DPYD: variants seen among roughly 807,000 people sequenced by gnomAD.
DPYD encodes the protein dihydropyrimidine dehydrogenase [NADP(+)].
DPYD carries 109 observed loss-of-function variants against 116.2 expected under a neutral mutation model. That is an observed-to-expected ratio of 0.94 (90% CI 0.80 to 1.10). DPYD has a LOEUF of 1.10. Ranked by LOEUF, DPYD falls within the 50% of genes least tolerant of loss-of-function variation. The pLI, the probability that DPYD is intolerant of heterozygous loss-of-function variation, is 0.00. For synonymous variants in DPYD, 440 were observed against 432.0 expected (o/e 1.02, Z -0.23); for missense variants, 1,302 against 1,254.5 (o/e 1.04, Z -0.57).
rs1057516696 is a variant in DPYD, at chr1:97,595,167, C to G, written c.851-1G>C. 1 of 1,612,470 alleles carries G rather than the reference C, an allele frequency of 6.2e-7. No homozygotes were observed. Reference sequence around the variant, plus strand: ...GCATCTTTATTGGGTTCTGGCAAACCTAAGTAATCAAATTTATAAAATATC... The same window carrying G: ...GCATCTTTATTGGGTTCTGGCAAACGTAAGTAATCAAATTTATAAAATATC... On this transcript the variant is annotated splice_acceptor_variant, in intron 8 of 22. Transcript: ENST00000370192. LOFTEE classifies it high-confidence loss of function.
intron 21 of DPYD, among the ~76,000 whole-genome samples, chr1:97,086,750 TAAA>T (rs752140111): frequency 6.5e-3 from 7 of 1,076 alleles, no homozygotes; most frequent in Non-Finnish European, 0.03. Context: ...TGAACCATTG[TAAA>T]ATAAAAAAAA....
intron 1 of DPYD, among the ~76,000 whole-genome samples, chr1:97,895,459 G>C (rs1180429966): frequency 6.6e-6 from 1 of 151,786 alleles, no homozygotes; most frequent in East Asian, 1.9e-4. Context: ...ATGATTTTCA[G>C]GTTCACAAAA....
chr1:97,647,637 G>A (rs1658345059), intron 8 of DPYD, among the ~76,000 whole-genome samples: 1 of 151,774 alleles, frequency 6.6e-6, no homozygotes, highest in Non-Finnish European at 1.5e-5. Context: ...TAATTTCTCT[G>A]AATGAGCTAA....
At chr1:97,250,075 G>A (rs530623278) in intron 18 of DPYD, among the ~76,000 whole-genome samples, 13 of 152,206 alleles carry the variant, frequency 8.5e-5, no homozygotes, top group Non-Finnish European at 1.9e-4. Context: ...TTGGAGAACA[G>A]TCTGGCCAAC....
chr1:97,078,050 G>A lies in DPYD; in HGVS notation c.*926C>T, dbSNP rs1041563208. On this transcript the variant is annotated 3_prime_UTR_variant, in exon 23 of 23. Transcript: ENST00000370192. ...TTAAACATAAACACTAAAACAGAGA[G>A]TAGTCAAACTGATTTGGCACACTTA... The A allele has an allele frequency of 6.6e-6, 1 of 152,052 alleles. No individual in the cohort carries two copies. Among genetic ancestry groups the A allele is most frequent in the Non-Finnish European group, 1.5e-5 (1 of 67,988 alleles). 9.4% of individuals were successfully genotyped at this position (152,052 alleles called of 1,614,324 possible). A position where few individuals can be genotyped will look rare whatever the true frequency, so the allele number is the denominator to read the frequency against.
At chr1:97,632,379 T>A (rs755732384) in intron 8 of DPYD, among the ~76,000 whole-genome samples, 4 of 152,146 alleles carry the variant, frequency 2.6e-5, no homozygotes, top group Non-Finnish European at 5.9e-5. Flanking sequence ...AGTATTCTAC[T>A]GCTTAAGTAA....
intron 21 of DPYD, among the ~76,000 whole-genome samples, chr1:97,088,605 C>T (rs1649684870): frequency 6.6e-6 from 1 of 152,056 alleles, no homozygotes; most frequent in Admixed American, 6.6e-5. Flanking sequence ...TTTCATTTCA[C>T]TCTCCTGCAG....
At chr1:97,384,621 G>A (rs1057442936) in intron 14 of DPYD, among the ~76,000 whole-genome samples, 1 of 152,048 alleles carries the variant, frequency 6.6e-6, no homozygotes. Context: ...AACTGCTGGC[G>A]ATTATATGAG....
intron 18 of DPYD, among the ~76,000 whole-genome samples, chr1:97,287,718 T>G (rs1163790017): frequency 6.6e-6 from 1 of 152,102 alleles, no homozygotes; most frequent in East Asian, 1.9e-4. Context: ...TCTGTGGGTG[T>G]AGGACCCTCC....
chr1:97,487,857 A>C (rs1207601738), intron 13 of DPYD, among the ~76,000 whole-genome samples: 2 of 152,230 alleles, frequency 1.3e-5, no homozygotes, highest in African/African-American at 4.8e-5. Flanking sequence ...TCTGAAAAAC[A>C]GTTTGGCACT....
intron 21 of DPYD, among the ~76,000 whole-genome samples, chr1:97,097,905 A>G (rs1433693956): frequency 6.6e-6 from 1 of 152,148 alleles, no homozygotes; most frequent in East Asian, 1.9e-4. Context: ...ATTTCTTACA[A>G]CTACATGTGA....
At chr1:97,395,242 T>C (rs1263449152) in intron 14 of DPYD, among the ~76,000 whole-genome samples, 2 of 151,428 alleles carry the variant, frequency 1.3e-5, no homozygotes, top group African/African-American at 4.8e-5. Context: ...TAAGGACACA[T>C]AGATGGTAAA....
intron 19 of DPYD, among the ~76,000 whole-genome samples, chr1:97,221,905 G>A (rs1660806255): frequency 6.6e-6 from 1 of 152,092 alleles, no homozygotes; most frequent in East Asian, 1.9e-4. Flanking sequence ...TATATAAAGA[G>A]TAGTTACTAC....
intron 14 of DPYD, among the ~76,000 whole-genome samples, chr1:97,414,766 A>T (rs1169569888): frequency 6.6e-6 from 1 of 152,250 alleles, no homozygotes; most frequent in Non-Finnish European, 1.5e-5. Context: ...CACAGCCTAT[A>T]TCTTACTAGG....
intron 19 of DPYD, among the ~76,000 whole-genome samples, chr1:97,216,873 A>C (rs755814545): frequency 5.9e-5 from 9 of 152,106 alleles, no homozygotes; most frequent in Non-Finnish European, 1.0e-4. Flanking sequence ...TCTTCACAGC[A>C]TACTTTTGAC....
chr1:97,731,743 T>C (rs761737943), intron 4 of DPYD, among the ~76,000 whole-genome samples: 4 of 152,042 alleles, frequency 2.6e-5, no homozygotes, highest in Admixed American at 6.5e-5. Flanking sequence ...TTCTGTTACA[T>C]TGACTTTTAC....
chr1:97,797,556 A>G (rs1667634756), intron 3 of DPYD: 1 of 152,102 alleles, frequency 6.6e-6, no homozygotes, highest in Admixed American at 6.6e-5. Context: ...CGTATATTTG[A>G]AAGGTCATGC....
At chr1:97,741,207 TG>T (rs1664253209) in intron 3 of DPYD, among the ~76,000 whole-genome samples, 1 of 152,160 alleles carries the variant, frequency 6.6e-6, no homozygotes, top group Non-Finnish European at 1.5e-5. Context: ...TTCCCATATT[TG>T]GGGAACTAGT....
chr1:97,371,329 A>C (rs1461122739), intron 16 of DPYD, among the ~76,000 whole-genome samples: 1 of 152,236 alleles, frequency 6.6e-6, no homozygotes, highest in Non-Finnish European at 1.5e-5. Flanking sequence ...CTGACCATGC[A>C]TGCAGCTCTG....
Sources: allele counts gnomAD v4.1 joint callset (sites outside exome capture counted in the v4.1 genomes callset), GRCh38; gene constraint gnomAD v4.1.1; transcripts MANE v1.5; gene names NCBI Gene and HGNC (gene_info 2026-07-23, HGNC 2026-07-21).